The following ANKS1B variants were observed in gnomAD, a reference collection of about 807,000 sequenced individuals.
ANKS1B encodes ankyrin repeat and sterile alpha motif domain containing 1B.
A neutral mutation model predicts 148.3 loss-of-function variants in ANKS1B; 36 were observed. That is an observed-to-expected ratio of 0.24 (90% CI 0.19 to 0.32). ANKS1B has a LOEUF of 0.32. Among genes scored for constraint, ANKS1B ranks in the 10% least tolerant of loss-of-function variants. ANKS1B has a pLI of 1.00. For synonymous variants in ANKS1B, 542 were observed against 560.8 expected (o/e 0.97, Z 0.47); for missense variants, 1,157 against 1,542.6 (o/e 0.75, Z 4.19).
At chr12:99,548,131 C>A (rs1352532124) in intron 9 of ANKS1B, among the ~76,000 whole-genome samples, 2 of 152,250 alleles carry the variant, frequency 1.3e-5, no homozygotes, top group East Asian at 1.9e-4. Context: ...ATTGGTCCAC[C>A]TTTCCCTAAT....
chr12:99,137,640 A>G (rs941429136), intron 15 of ANKS1B, among the ~76,000 whole-genome samples: 2 of 152,218 alleles, frequency 1.3e-5, no homozygotes, highest in African/African-American at 4.8e-5. Context: ...CCTTGGTTTT[A>G]TGTATTTCCT....
intron 4 of ANKS1B, among the ~76,000 whole-genome samples, chr12:99,792,097 T>C (rs2153645568): frequency 6.6e-6 from 1 of 152,000 alleles, no homozygotes; most frequent in South Asian, 2.1e-4. Flanking sequence ...CAAAGGATCA[T>C]GAGTGGCTGA....
intron 16 of ANKS1B, among the ~76,000 whole-genome samples, chr12:99,058,823 C>T (rs1435851391): frequency 1.4e-5 from 2 of 147,096 alleles, no homozygotes; most frequent in African/African-American, 5.0e-5. Context: ...CTGCAAGCTC[C>T]GCCTCCCAGG....
chr12:99,151,298 C>G (rs2074819988), intron 15 of ANKS1B, among the ~76,000 whole-genome samples: 1 of 152,044 alleles, frequency 6.6e-6, no homozygotes, highest in African/African-American at 2.4e-5. Context: ...GAGGCCAAGG[C>G]AGGCGGATCA....
intron 19 of ANKS1B, among the ~76,000 whole-genome samples, chr12:98,820,278 C>T (rs1430378046): frequency 6.6e-5 from 10 of 152,194 alleles, no homozygotes; most frequent in Admixed American, 2.0e-4. Flanking sequence ...TTTTTGTGGC[C>T]GTGGGCAAGC....
intron 17 of ANKS1B, among the ~76,000 whole-genome samples, chr12:98,879,409 A>G (rs1182454713): frequency 1.3e-5 from 2 of 152,250 alleles, no homozygotes; most frequent in Non-Finnish European, 2.9e-5. Flanking sequence ...AATAAGTCAT[A>G]GAGTGAGGAT....
At chr12:99,025,939 T>C (rs1462426009) in intron 17 of ANKS1B, among the ~76,000 whole-genome samples, 1 of 152,204 alleles carries the variant, frequency 6.6e-6, no homozygotes, top group Admixed American at 6.5e-5. Flanking sequence ...TTTCAGAGTA[T>C]AAAATGGTGG....
At chr12:99,433,477 G>A (rs1318326041) in intron 11 of ANKS1B, among the ~76,000 whole-genome samples, 1 of 152,114 alleles carries the variant, frequency 6.6e-6, no homozygotes, top group Non-Finnish European at 1.5e-5. Context: ...AGGTTTTGAA[G>A]CCTGCTAAGA....
chr12:98,781,287 G>A lies in ANKS1B; in HGVS notation c.3355-84C>T, dbSNP rs111995231. ...ACAATTTTTCCTCCTGAAAGATAAA[G>A]ATGAGCTCAAATTAAAAACAACAAC... is the stretch of plus-strand genomic sequence containing the variant. On this transcript the variant is annotated intron_variant, in intron 23 of 26. Coordinates refer to ENST00000683438, the MANE Select transcript of ANKS1B (RefSeq NM_001352186.2). 2.2e-4 allele frequency: 168 copies of A among 757,198 alleles called. No homozygotes were observed. The African/African-American group carries it at 2.5e-3, about 11-fold the overall frequency. The allele number at this position is 757,198 out of a possible 1,614,324, so 46.9% of individuals were successfully genotyped here.
At chr12:99,085,170 CAG>C in intron 15 of ANKS1B, 147 bp from the exon 16 acceptor site, 1 of 660,344 alleles carries the variant, frequency 1.5e-6, no homozygotes, top group Non-Finnish European at 2.6e-6. Flanking sequence ...AGGGTGAGGG[CAG>C]AGTCGGTCAC....
intron 9 of ANKS1B, among the ~76,000 whole-genome samples, chr12:99,527,205 TA>T (rs576694173): frequency 0.01 from 1,593 of 151,782 alleles, 40 homozygotes; most frequent in African/African-American, 0.037. Flanking sequence ...AATATAGAGT[TA>T]AAAAAAACAG....
At chr12:99,231,833 T>G (rs1420687610) in intron 14 of ANKS1B, among the ~76,000 whole-genome samples, 1 of 151,970 alleles carries the variant, frequency 6.6e-6, no homozygotes, top group African/African-American at 2.4e-5. Context: ...GTGAAGATGT[T>G]TGCTCTCCTC....
At chr12:98,999,601 A>G (rs899460970) in intron 17 of ANKS1B, among the ~76,000 whole-genome samples, 2 of 152,242 alleles carry the variant, frequency 1.3e-5, no homozygotes, top group Admixed American at 1.3e-4. Context: ...CTTTATATCT[A>G]TGATTTATTA....
At chr12:98,858,961 C>T (rs1302892788) in intron 17 of ANKS1B, among the ~76,000 whole-genome samples, 1 of 152,142 alleles carries the variant, frequency 6.6e-6, no homozygotes, top group Non-Finnish European at 1.5e-5. Flanking sequence ...AGAAGACTTC[C>T]GGATTCTCTT....
intron 14 of ANKS1B, among the ~76,000 whole-genome samples, chr12:99,242,305 A>T (rs1410518289): frequency 1.3e-5 from 2 of 152,210 alleles, no homozygotes; most frequent in African/African-American, 2.4e-5. Flanking sequence ...TACTACAAAG[A>T]GAATAAAATA....
At chr12:99,857,886 T>A (rs2153713745) in intron 1 of ANKS1B, among the ~76,000 whole-genome samples, 1 of 152,150 alleles carries the variant, frequency 6.6e-6, no homozygotes, top group African/African-American at 2.4e-5. Context: ...AAAAATAAGC[T>A]CAAGATGGAT....
chr12:99,027,760 C>G (rs970707722), intron 17 of ANKS1B, among the ~76,000 whole-genome samples: 4 of 152,222 alleles, frequency 2.6e-5, no homozygotes, highest in Non-Finnish European at 5.9e-5. Context: ...AATTTATTAA[C>G]TTCTCTGAAC....
intron 15 of ANKS1B, among the ~76,000 whole-genome samples, chr12:99,115,303 G>A (rs2061118879): frequency 1.3e-5 from 2 of 152,186 alleles, no homozygotes; most frequent in African/African-American, 4.8e-5. Flanking sequence ...AAAAGAACAA[G>A]ATCATGTCTT....
intron 12 of ANKS1B, among the ~76,000 whole-genome samples, chr12:99,279,276 A>C (rs564388393): frequency 1.3e-5 from 2 of 152,362 alleles, no homozygotes; most frequent in South Asian, 4.1e-4. Context: ...TAATTGAATT[A>C]CATCAGCTCT....
Sources: gnomAD v4.1 joint callset for allele counts (sites outside exome capture counted in the v4.1 genomes callset) on GRCh38, gnomAD v4.1.1 for gene constraint, MANE v1.5 for transcripts, NCBI Gene and HGNC (gene_info 2026-07-23, HGNC 2026-07-21) for gene names.